Variants in PARP8 observed in about 807,000 individuals in gnomAD.
The protein encoded by PARP8 is protein mono-ADP-ribosyltransferase PARP8.
In PARP8, 51 loss-of-function variants were observed where a neutral mutation model predicts 124.1. The ratio of observed to expected loss-of-function variants is 0.41; its 90% confidence interval spans 0.33 to 0.52. The LOEUF (loss-of-function observed/expected upper bound fraction) is 0.52, where lower values mean the gene tolerates loss of function less well. PARP8 is among the 20% of genes least tolerant of loss of function. The probability of loss-of-function intolerance (pLI) is 0.21; values close to 1 mark genes in which losing one functional copy is unlikely to be tolerated. For missense variants in PARP8, 860 were observed against 1,018.9 expected (o/e 0.84, Z 2.12); for synonymous variants, 391 against 361.5 (o/e 1.08, Z -0.93).
chr5:50,778,600 C>G lies in PARP8; in HGVS notation c.620C>G (p.Pro207Arg), dbSNP rs1218067849. The change falls in exon 9 of 26, where the codon CCT (proline) becomes CGT (arginine). Residue 207 changes from proline to arginine, a missense_variant. By Grantham distance (103) the Pro-to-Arg change is moderately radical (BLOSUM62 -2). This residue lies in a region of PARP8 where 517 missense variants were observed against 544.2 expected (regional missense o/e 0.95). Coordinates refer to ENST00000281631, the MANE Select transcript of PARP8 (RefSeq NM_024615.4). ...GCTTGGGAAGTAATTCGAACAGAACCTATAATTGTTCGACTACACTGTTCA... is the reference window on the plus strand; with the variant it reads ...GCTTGGGAAGTAATTCGAACAGAACGTATAATTGTTCGACTACACTGTTCA... ...AVAWEVIRTEPIIVRLHCSLT... is the reference protein window; with the variant it reads ...AVAWEVIRTERIIVRLHCSLT... 1 of 1,609,418 alleles carries G rather than the reference C, an allele frequency of 6.2e-7. No individual in the cohort carries two copies. The highest frequency in any genetic ancestry group is 8.5e-7 in the Non-Finnish European group (1 of 1,178,512).
intron 2 of PARP8, chr5:50,744,889 G>A (rs1455299706): frequency 4.6e-6 from 3 of 657,926 alleles, no homozygotes; most frequent in African/African-American, 3.6e-5. Flanking sequence ...CTGCTACATG[G>A]CATTTATTAT....
At chr5:50,701,210 A>T (rs1164361231) in intron 2 of PARP8, among the ~76,000 whole-genome samples, 1 of 152,158 alleles carries the variant, frequency 6.6e-6, no homozygotes, top group African/African-American at 2.4e-5. Flanking sequence ...TTCTTAAAAG[A>T]ATGATAAAAT....
chr5:50,690,002 C>G (rs1349489598), intron 2 of PARP8, among the ~76,000 whole-genome samples: 5 of 152,210 alleles, frequency 3.3e-5, no homozygotes, highest in Non-Finnish European at 5.9e-5. Flanking sequence ...TTTCTGTTCT[C>G]TCATTCCCTT....
chr5:50,667,936 C>A, intron 1 of PARP8, 135 bp from the exon 2 acceptor site: 1 of 1,552,166 alleles, frequency 6.4e-7, no homozygotes, highest in East Asian at 2.3e-5. Context: ...CGCAGAGGGA[C>A]CTCGCCGCCC....
At chr5:50,786,727 G>A (rs995570701) in intron 9 of PARP8, among the ~76,000 whole-genome samples, 1 of 151,928 alleles carries the variant, frequency 6.6e-6, no homozygotes, top group African/African-American at 2.4e-5. Context: ...CCATCCGCTT[G>A]GCCATTCCTC....
At chr5:50,827,254 G>C (rs1354397215) in intron 19 of PARP8, among the ~76,000 whole-genome samples, 2 of 152,030 alleles carry the variant, frequency 1.3e-5, no homozygotes, top group Non-Finnish European at 1.5e-5. Flanking sequence ...CTGGATTTCA[G>C]TTCTGATCAT....
chr5:50,752,485 G>T (rs980025657), intron 3 of PARP8, among the ~76,000 whole-genome samples: 7 of 151,950 alleles, frequency 4.6e-5, no homozygotes, highest in Non-Finnish European at 1.0e-4. Context: ...TTGGTGAAAT[G>T]TCCAAACTTT....
chr5:50,837,892 T>C (rs537175177), intron 25 of PARP8, among the ~76,000 whole-genome samples: 7 of 152,176 alleles, frequency 4.6e-5, no homozygotes, highest in African/African-American at 1.7e-4. Context: ...AGGCAAAATG[T>C]AATAGATCAG....
intron 2 of PARP8, among the ~76,000 whole-genome samples, chr5:50,688,667 A>T (rs1020077673): frequency 3.9e-5 from 6 of 152,212 alleles, no homozygotes; most frequent in African/African-American, 1.4e-4. Context: ...ATCTTTATAT[A>T]GGAAGTAATT....
At chr5:50,708,388 C>A (rs891028749) in intron 2 of PARP8, among the ~76,000 whole-genome samples, 30 of 151,798 alleles carry the variant, frequency 2.0e-4, no homozygotes, top group African/African-American at 7.0e-4. Flanking sequence ...AAACTTTATT[C>A]TTTGTAAAGA....
intron 1 of PARP8, chr5:50,667,710 G>C (rs908237679): frequency 1.4e-6 from 1 of 699,802 alleles, no homozygotes; most frequent in African/African-American, 1.7e-5. Context: ...GGGATTCCTC[G>C]GATTCCCAAG....
intron 2 of PARP8, among the ~76,000 whole-genome samples, chr5:50,727,622 A>G (rs10035688): frequency 1.9e-3 from 286 of 152,300 alleles, no homozygotes; most frequent in African/African-American, 6.5e-3. Flanking sequence ...TACATAGAGA[A>G]ATAAAATATA....
chr5:50,799,676 G>A (rs1235366641), intron 14 of PARP8, among the ~76,000 whole-genome samples: 2 of 152,186 alleles, frequency 1.3e-5, no homozygotes, highest in African/African-American at 2.4e-5. Context: ...TAGACTGGAT[G>A]TGTTCCTCCC....
intron 6 of PARP8, among the ~76,000 whole-genome samples, chr5:50,762,173 A>T (rs555080169): frequency 2.0e-5 from 3 of 152,166 alleles, no homozygotes; most frequent in Non-Finnish European, 4.4e-5. Flanking sequence ...TATGCTTTTG[A>T]CTTGAATTTC....
chr5:50,755,640 C>T (rs1367053003), intron 3 of PARP8, among the ~76,000 whole-genome samples: 1 of 152,110 alleles, frequency 6.6e-6, no homozygotes, highest in East Asian at 1.9e-4. Flanking sequence ...GCTCTTTTTG[C>T]TTCGGATTGA....
chr5:50,751,739 G>T (rs1180337138), intron 3 of PARP8, among the ~76,000 whole-genome samples: 1 of 152,136 alleles, frequency 6.6e-6, no homozygotes, highest in East Asian at 1.9e-4. Context: ...CCCAAAACAT[G>T]TAGTTTGGTG....
At chr5:50,667,403 G>C (rs1268137959) in intron 1 of PARP8, among the ~76,000 whole-genome samples, 1 of 152,248 alleles carries the variant, frequency 6.6e-6, no homozygotes, top group African/African-American at 2.4e-5. Flanking sequence ...GCAGCCACCA[G>C]CTTTGAGGGC....
Position 50,720,282 on chromosome 5 carries a change from G to A in PARP8, c.147-29869G>A, listed in dbSNP as rs79949499. On this transcript the variant is annotated intron_variant, in intron 2 of 25. Transcript: ENST00000281631. ...TTTTGGGCCCCTCTTAACTCCTTTT[G>A]TGTGTTCTCAGTTCTTAAAGCTGCA... is the stretch of plus-strand genomic sequence containing the variant. 5.5e-3 allele frequency among the ~76,000 whole-genome samples: 843 copies of A among 152,116 alleles called. 7 individuals carry two copies. The highest frequency in any genetic ancestry group is 0.019 in the African/African-American group (789 of 41,548).
At position 50,755,426 on chromosome 5, in the gene PARP8, G is replaced by A. The variant is rs547762558; in HGVS notation, c.185-4217G>A. Among the ~76,000 whole-genome samples, 15 of 152,166 alleles carry A rather than the reference G, an allele frequency of 9.9e-5. No individual in the cohort carries two copies. In the South Asian group the frequency reaches 1.7e-3, roughly 17 times the overall value. Reference sequence around the variant, plus strand: ...CTAGCCAGTTTTCCCAGCACCATTTGTTAAATAGGGAATCCTTTCCCCATT... The same window carrying A: ...CTAGCCAGTTTTCCCAGCACCATTTATTAAATAGGGAATCCTTTCCCCATT... On this transcript the variant is annotated intron_variant, in intron 3 of 25. Coordinates refer to ENST00000281631, the MANE Select transcript of PARP8 (RefSeq NM_024615.4).
Sources: allele counts gnomAD v4.1 joint callset (sites outside exome capture counted in the v4.1 genomes callset), GRCh38; gene constraint gnomAD v4.1.1; regional missense constraint gnomAD v4.1.1; transcripts MANE v1.5; gene names NCBI Gene and HGNC (gene_info 2026-07-23, HGNC 2026-07-21).